Variants in CUL2 observed in about 807,000 individuals in gnomAD.
The protein encoded by CUL2 is cullin 2.
CUL2 carries 22 observed loss-of-function variants against 110.2 expected under a neutral mutation model. The observed-to-expected ratio is 0.20, with a 90% CI of 0.14 to 0.28. The LOEUF (loss-of-function observed/expected upper bound fraction) is 0.28, where lower values mean the gene tolerates loss of function less well. CUL2 is among the 10% of genes least tolerant of loss of function. The pLI, the probability that CUL2 is intolerant of heterozygous loss-of-function variation, is 1.00. For missense variants in CUL2, 631 were observed against 905.5 expected (o/e 0.70, Z 3.89); for synonymous variants, 279 against 293.2 (o/e 0.95, Z 0.49).
At chr10:35,115,763 C>T (rs1030616246) in intron 1 of CUL2, among the ~76,000 whole-genome samples, 1 of 151,580 alleles carries the variant, frequency 6.6e-6, no homozygotes, top group South Asian at 2.1e-4. Context: ...GGGTGTGGCA[C>T]ACACTTGTAG....
intron 1 of CUL2, chr10:35,120,280 A>T (rs925685398): frequency 1.3e-5 from 2 of 152,160 alleles, no homozygotes; most frequent in South Asian, 2.1e-4. Context: ...AAGGAGGCTG[A>T]GTTGGAGGAT....
At chr10:35,112,544 CAG>C (rs1317329938) in intron 1 of CUL2, among the ~76,000 whole-genome samples, 1 of 152,140 alleles carries the variant, frequency 6.6e-6, no homozygotes, top group African/African-American at 2.4e-5. Flanking sequence ...CAAGAGAAGA[CAG>C]AGCTCTATAG....
At chr10:35,074,075 T>C in intron 1 of CUL2, 1 of 977,660 alleles carries the variant, frequency 1.0e-6, no homozygotes, top group Non-Finnish European at 1.6e-6. Context: ...TGGTGAATAC[T>C]TACTCCTTGC....
chr10:35,101,224 A>G (rs888339650), intron 1 of CUL2, among the ~76,000 whole-genome samples: 1 of 152,184 alleles, frequency 6.6e-6, no homozygotes, highest in Non-Finnish European at 1.5e-5. Context: ...TCTCTAATAA[A>G]GGTGAGAGGT....
At chr10:35,069,689 C>T (rs980378636) in intron 2 of CUL2, among the ~76,000 whole-genome samples, 4 of 152,152 alleles carry the variant, frequency 2.6e-5, no homozygotes, top group African/African-American at 9.7e-5. Context: ...AAGAAATTCA[C>T]TGTCGATTCT....
chr10:35,061,022 T>C (rs2086368021), intron 3 of CUL2, 54 bp from the exon 4 acceptor site: 1 of 1,530,080 alleles, frequency 6.5e-7, no homozygotes, highest in East Asian at 2.3e-5. Flanking sequence ...ATTTTCACTG[T>C]CAACAATAAA....
intron 10 of CUL2, among the ~76,000 whole-genome samples, chr10:35,033,723 T>A (rs1365757559): frequency 4.2e-5 from 6 of 143,898 alleles, no homozygotes; most frequent in Non-Finnish European, 9.0e-5. Context: ...GGCGACAGAG[T>A]GAGACTCCGT....
chr10:35,027,349 T>A (rs986391860), intron 16 of CUL2, among the ~76,000 whole-genome samples: 20 of 152,034 alleles, frequency 1.3e-4, no homozygotes, highest in Non-Finnish European at 2.9e-4. Flanking sequence ...TTTCACTGTG[T>A]TAGCCAGGAT....
intron 1 of CUL2, among the ~76,000 whole-genome samples, chr10:35,113,329 C>G (rs2087545436): frequency 6.6e-6 from 1 of 150,400 alleles, no homozygotes; most frequent in African/African-American, 2.4e-5. Flanking sequence ...AATCCTGTCT[C>G]TACTAAAAAT....
rs2084865595 is a variant in CUL2 at position 35,010,250 on chromosome 10, C to T, written c.*61G>A. 1 of 1,482,192 alleles carries T rather than the reference C, an allele frequency of 6.7e-7. No individual in the cohort carries two copies. Among genetic ancestry groups the T allele is most frequent in the South Asian group, 1.4e-5 (1 of 69,578 alleles). 91.8% of individuals were successfully genotyped at this position (1,482,192 alleles called of 1,614,324 possible). A position where few individuals can be genotyped will look rare whatever the true frequency, so the allele number is the denominator to read the frequency against. ...GGAGGCACAGTCCTGCTTTTTCCCA[C>T]AGGAACACACCAAATGGTGATGGCA... On this transcript the variant is annotated 3_prime_UTR_variant, in exon 21 of 21. Transcript: ENST00000374749.
In CUL2 at chr10:35,025,091, G is replaced by C. The variant is rs200876780; in HGVS notation, c.1684+41C>G. 2.2e-4 allele frequency: 320 copies of C among 1,444,422 alleles called. No homozygotes were observed. In the African/African-American group the frequency reaches 4.4e-3, roughly 20 times the overall value. The allele number at this position is 1,444,422 out of a possible 1,614,324, so 89.5% of individuals were successfully genotyped here. A position where few individuals can be genotyped will look rare whatever the true frequency, so the allele number is the denominator to read the frequency against. ...TCTTTCTAAATTAATATAATCATCA[G>C]GTAAATTTCATTAAGCCAGATATAA... On this transcript the variant is annotated intron_variant, in intron 17 of 20. Coordinates refer to ENST00000374749, the MANE Select transcript of CUL2 (RefSeq NM_003591.4).
intron 1 of CUL2, among the ~76,000 whole-genome samples, chr10:35,087,849 G>C (rs1386831179): frequency 6.7e-6 from 1 of 149,614 alleles, no homozygotes; most frequent in East Asian, 2.0e-4. Flanking sequence ...TCTCAGTTTA[G>C]AAGAGTTCCA....
chr10:35,108,311 G>T (rs773444336), intron 1 of CUL2, among the ~76,000 whole-genome samples: 5 of 151,776 alleles, frequency 3.3e-5, no homozygotes, highest in Non-Finnish European at 7.4e-5. Flanking sequence ...GAAAAAATTA[G>T]TGGGGTGTTG....
intron 1 of CUL2, among the ~76,000 whole-genome samples, chr10:35,079,417 C>T (rs1056143572): frequency 6.6e-6 from 1 of 152,160 alleles, no homozygotes; most frequent in African/African-American, 2.4e-5. Flanking sequence ...TGGTGTCATT[C>T]GTCTCTGGGG....
intron 4 of CUL2, among the ~76,000 whole-genome samples, chr10:35,057,571 T>C (rs1015440204): frequency 6.7e-6 from 1 of 149,046 alleles, no homozygotes; most frequent in African/African-American, 2.5e-5. Flanking sequence ...GAGAATCACT[T>C]GAACCCAGGA....
At chr10:35,119,185 G>A (rs551843571) in intron 1 of CUL2, among the ~76,000 whole-genome samples, 33 of 152,300 alleles carry the variant, frequency 2.2e-4, no homozygotes, top group African/African-American at 7.9e-4. Context: ...AAATAATTGT[G>A]TAACTGGGAA....
intron 2 of CUL2, among the ~76,000 whole-genome samples, chr10:35,070,931 T>C (rs1036535971): frequency 1.3e-5 from 2 of 152,116 alleles, no homozygotes; most frequent in Non-Finnish European, 2.9e-5. Context: ...ATTTTTATAA[T>C]AGAAAGGAAT....
chr10:35,113,181 CAAAAAAAAAAAA>C (rs71660665), intron 1 of CUL2, among the ~76,000 whole-genome samples: 1 of 36,630 alleles, frequency 2.7e-5, no homozygotes, highest in Non-Finnish European at 4.6e-5. Flanking sequence ...GACTCCATCT[CAAAAAAAAAAAA>C]AAAAAAAAAA....
In CUL2 at chr10:35,033,132, G is replaced by A. The variant is rs556859207; in HGVS notation, c.1110+34C>T. On this transcript the variant is annotated intron_variant, in intron 11 of 20. Coordinates refer to ENST00000374749, the MANE Select transcript of CUL2 (RefSeq NM_003591.4). ...TGCCTAAAGAATGATAGAGTTTTAT[G>A]TACATATATAGTATATATGTATTTA... The A allele has an allele frequency of 3.3e-5, 42 of 1,279,486 alleles. No individual in the cohort carries two copies. The South Asian group carries it at 4.2e-4, about 13-fold the overall frequency. 79.3% of individuals were successfully genotyped at this position (1,279,486 alleles called of 1,614,324 possible).
Sources: allele counts gnomAD v4.1 joint callset (sites outside exome capture counted in the v4.1 genomes callset), GRCh38; gene constraint gnomAD v4.1.1; transcripts MANE v1.5; gene names NCBI Gene and HGNC (gene_info 2026-07-23, HGNC 2026-07-21).